REXO2: variants seen among roughly 807,000 people sequenced by gnomAD.
REXO2 encodes oligoribonuclease, mitochondrial.
REXO2 carries 17 observed loss-of-function variants against 30.9 expected under a neutral mutation model. That is an observed-to-expected ratio of 0.55 (90% CI 0.38 to 0.82). REXO2 has a LOEUF of 0.82. Among genes scored for constraint, REXO2 ranks in the 40% least tolerant of loss-of-function variants. REXO2 has a pLI of 0.00. For missense variants in REXO2, 253 were observed against 293.2 expected (o/e 0.86, Z 1.00); for synonymous variants, 105 against 99.6 (o/e 1.05, Z -0.32).
At chr11:114,440,410 T>C (rs1946468652) in intron 1 of REXO2, among the ~76,000 whole-genome samples, 1 of 152,198 alleles carries the variant, frequency 6.6e-6, no homozygotes, top group African/African-American at 2.4e-5. Context: ...TTTTACTTAC[T>C]TTGCATCTGT....
At chr11:114,447,776 A>C in intron 5 of REXO2, 50 bp from the exon 6 acceptor site, 1 of 1,457,084 alleles carries the variant, frequency 6.9e-7, no homozygotes, top group South Asian at 1.2e-5. Context: ...GTAATTGTTC[A>C]GTATATTTGA....
intron 6 of REXO2, among the ~76,000 whole-genome samples, chr11:114,448,465 A>G (rs762894902): frequency 1.3e-5 from 2 of 152,180 alleles, no homozygotes; most frequent in Non-Finnish European, 2.9e-5. Flanking sequence ...CTGAACCCCT[A>G]TGATGTACCT....
chr11:114,441,630 G>A lies in REXO2; in HGVS notation c.231+891G>A, dbSNP rs1232154531. 4 of 662,088 alleles carry A rather than the reference G, an allele frequency of 6.0e-6. No individual in the cohort carries two copies. In the East Asian group the frequency reaches 1.1e-4, roughly 18 times the overall value. 41.0% of individuals were successfully genotyped at this position (662,088 alleles called of 1,614,324 possible). On this transcript the variant is annotated intron_variant, in intron 2 of 6. Coordinates refer to ENST00000265881, the MANE Select transcript of REXO2 (RefSeq NM_015523.4). The stretch of plus-strand genomic sequence containing the variant: ...GAATAGGAACAAAGTAGGGATGTTT[G>A]TGGAAAAGAGAGTCTTGTTAAAATA...
rs1465998100 is a variant in REXO2 at position 114,439,492 on chromosome 11, G to C, written c.-37G>C. The C allele has an allele frequency of 5.0e-6, 8 of 1,596,988 alleles. No individual in the cohort carries two copies. The Admixed American group carries it at 1.0e-4, about 20-fold the overall frequency. ...GACTATTGCGCCTGCGCCAGCGCCG[G>C]CTGCGAGACTGGGGCCGTGGCTGCT... On this transcript the variant is annotated 5_prime_UTR_variant, in exon 1 of 7. Transcript: ENST00000265881.
intron 2 of REXO2, chr11:114,441,953 G>T: frequency 1.7e-6 from 1 of 577,198 alleles, no homozygotes; most frequent in Non-Finnish European, 3.1e-6. Flanking sequence ...CAATAGTGAA[G>T]AGAAGTGTCT....
At chr11:114,440,337 C>T (rs1319936253) in intron 1 of REXO2, among the ~76,000 whole-genome samples, 2 of 152,206 alleles carry the variant, frequency 1.3e-5, no homozygotes, top group African/African-American at 2.4e-5. Flanking sequence ...TTTGTAAACT[C>T]TGCAGAGACG....
intron 3 of REXO2, 39 bp from the exon 4 acceptor site, chr11:114,444,502 A>C: frequency 7.0e-7 from 1 of 1,427,310 alleles, no homozygotes; most frequent in Non-Finnish European, 9.9e-7. Flanking sequence ...CTGACTTTAC[A>C]TGTGTTTTTG....
chr11:114,446,685 A>G (rs1261773838), intron 5 of REXO2, among the ~76,000 whole-genome samples: 1 of 152,346 alleles, frequency 6.6e-6, no homozygotes, highest in Non-Finnish European at 1.5e-5. Context: ...GTGAGGGAGC[A>G]GGAAGCTAAG....
Position 114,443,862 on chromosome 11 carries a change from A to G in REXO2, c.238A>G (p.Asn80Asp), listed in dbSNP as rs140096192. ...TGGCGTTTCCCATCCACAGGGTCCT[A>G]ACCTGATTATAAAACAACCAGATGA... ...SDLNILAEGP[N>D]LIIKQPDELL... Residue 80 changes from asparagine to aspartate, a missense_variant, in exon 3 of 7, where the codon AAC becomes GAC. Physicochemically the swap from Asn to Asp is conservative, Grantham distance 23. Transcript: ENST00000265881. The G allele has an allele frequency of 5.0e-5, 80 of 1,606,692 alleles. No homozygotes were observed. Among genetic ancestry groups the G allele is most frequent in the Non-Finnish European group, 6.6e-5 (78 of 1,176,304 alleles).
At position 114,444,600 on chromosome 11, in the gene REXO2, A is replaced by G. The variant is rs1349973467; in HGVS notation, c.369A>G (p.Glu123=). 6 of 1,611,636 alleles carry G rather than the reference A, an allele frequency of 3.7e-6. No homozygotes were observed. The East Asian group carries it at 1.3e-4, about 36-fold the overall frequency. The change falls in exon 4 of 7, where the codon GAA becomes GAG. Residue 123 remains glutamate (E), a synonymous_variant. Coordinates refer to ENST00000265881, the MANE Select transcript of REXO2 (RefSeq NM_015523.4). ...STITLQQAEY[E]FLSFVRQQTP... is the part of the protein sequence containing the mutation. ...TTACATTGCAGCAGGCAGAGTATGAATTTCTGTCCTTTGTACGACAGCAGA... is the reference window on the plus strand; with the variant it reads ...TTACATTGCAGCAGGCAGAGTATGAGTTTCTGTCCTTTGTACGACAGCAGA...
intron 6 of REXO2, among the ~76,000 whole-genome samples, chr11:114,449,495 A>T (rs1946532244): frequency 6.6e-6 from 1 of 152,146 alleles, no homozygotes; most frequent in African/African-American, 2.4e-5. Context: ...ACATTAGTAT[A>T]TTAAATGCTT....
At chr11:114,448,560 T>C (rs1946525579) in intron 6 of REXO2, among the ~76,000 whole-genome samples, 1 of 152,244 alleles carries the variant, frequency 6.6e-6, no homozygotes, top group Non-Finnish European at 1.5e-5. Context: ...ATGTAGACTG[T>C]AGCACAGGCA....
chr11:114,439,810 G>A, intron 1 of REXO2, 135 bp downstream of exon 1: 1 of 1,090,418 alleles, frequency 9.2e-7, no homozygotes, highest in Admixed American at 3.1e-5. Flanking sequence ...GGCCACGGGC[G>A]GTGCAGGGCA....
At chr11:114,447,956 G>T (rs1299526053) in intron 6 of REXO2, 77 bp downstream of exon 6, 11 of 1,079,818 alleles carry the variant, frequency 1.0e-5, no homozygotes, top group Admixed American at 8.1e-5. Flanking sequence ...TTGAAATAAT[G>T]TCCCTTAACT....
chr11:114,439,508 C>T lies in REXO2; in HGVS notation c.-21C>T, dbSNP rs367683429. ...CCAGCGCCGGCTGCGAGACTGGGGC[C>T]GTGGCTGCTGGTCCCGGGTGATGCT... On this transcript the variant is annotated 5_prime_UTR_variant, in exon 1 of 7. Transcript: ENST00000265881. 49 of 1,601,518 alleles carry T rather than the reference C, an allele frequency of 3.1e-5. 1 individual carries two copies. The highest frequency in any genetic ancestry group is 2.3e-4 in the African/African-American group (17 of 74,672).
intron 1 of REXO2, chr11:114,440,071 G>A (rs1189354395): frequency 2.1e-6 from 1 of 477,794 alleles, no homozygotes; most frequent in Non-Finnish European, 4.1e-6. Flanking sequence ...ACGGGACTCC[G>A]GAGATGACTC....
chr11:114,442,358 A>AT (rs1448336093), intron 2 of REXO2, among the ~76,000 whole-genome samples: 2 of 151,538 alleles, frequency 1.3e-5, no homozygotes, highest in Admixed American at 6.6e-5. Context: ...CATTGTTAGT[A>AT]TTTTTTTTAA....
In REXO2 at chr11:114,447,815, G is replaced by T. The variant is rs1946518646; in HGVS notation, c.531-11G>T. ...AGCTTCCTTTGAGAGTTCCATTTCT[G>T]CTGTGTATAGACGCTGGTATCCAGA... On this transcript the variant is annotated splice_polypyrimidine_tract_variant and intron_variant, in intron 5 of 6. Transcript: ENST00000265881. The T allele has an allele frequency of 6.2e-7, 1 of 1,609,636 alleles. No homozygotes were observed. Among genetic ancestry groups the T allele is most frequent in the Non-Finnish European group, 8.5e-7 (1 of 1,178,122 alleles).
At chr11:114,445,845 A>C in intron 4 of REXO2, 134 bp from the exon 5 acceptor site, 1 of 619,528 alleles carries the variant, frequency 1.6e-6, no homozygotes, top group Non-Finnish European at 2.9e-6. Flanking sequence ...CCTGATTTAG[A>C]AATATAGAGG....
Sources: allele counts gnomAD v4.1 joint callset (sites outside exome capture counted in the v4.1 genomes callset), GRCh38; gene constraint gnomAD v4.1.1; transcripts MANE v1.5; gene names NCBI Gene and HGNC (gene_info 2026-07-23, HGNC 2026-07-21).